Variants in HMOX2 observed in about 807,000 individuals in gnomAD.
HMOX2 encodes heme oxygenase 2, also known as heme oxygenase (decycling) 2.
In HMOX2, 30 loss-of-function variants were observed where a neutral mutation model predicts 33.7. That is an observed-to-expected ratio of 0.89 (90% CI 0.67 to 1.21). HMOX2 has a LOEUF of 1.21. Ranked by LOEUF, HMOX2 falls within the 50% of genes most tolerant of loss-of-function variation. HMOX2 has a pLI of 0.00. For synonymous variants in HMOX2, 155 were observed against 155.0 expected, an observed-to-expected ratio of 1.00 and a Z score of 0.00; for missense variants, 403 against 399.1, an observed-to-expected ratio of 1.01 and a Z score of -0.08.
intron 1 of HMOX2, among the ~76,000 whole-genome samples, chr16:4,488,007 T>C (rs13338199): frequency 0.12 from 16,608 of 142,122 alleles, 1,949 homozygotes; most frequent in African/African-American, 0.3. Flanking sequence ...CCTGTAATCC[T>C]AGCTACTCAG....
intron 4 of HMOX2, 51 bp from the exon 5 acceptor site, chr16:4,509,361 A>T (rs1422228394): frequency 1.3e-6 from 2 of 1,578,012 alleles, no homozygotes; most frequent in African/African-American, 2.8e-5. Context: ...AAAAAAAAAA[A>T]AAAAGTATGG....
chr16:4,505,892 G>C (rs1300541029), intron 2 of HMOX2, among the ~76,000 whole-genome samples: 3 of 152,120 alleles, frequency 2.0e-5, no homozygotes, highest in Non-Finnish European at 4.4e-5. Context: ...AAACTTGTGC[G>C]TTTCCTCATC....
At chr16:4,492,310 A>G (rs905005216) in intron 1 of HMOX2, among the ~76,000 whole-genome samples, 1 of 151,648 alleles carries the variant, frequency 6.6e-6, no homozygotes, top group African/African-American at 2.4e-5. Context: ...CTCCAGACAC[A>G]GTAAAACCCT....
At position 4,509,519 on chromosome 16, in the gene HMOX2, C is replaced by T. The variant is rs142512604; in HGVS notation, c.804C>T (p.Tyr268=). 9.9e-6 allele frequency: 16 copies of T among 1,614,016 alleles called. No individual in the cohort carries two copies. The highest frequency in any genetic ancestry group is 3.3e-5 in the Admixed American group (2 of 60,006). ...GAGACATGCGTAAATGCCCTTTCTA[C>T]GCTGCTGAACAAGACAAAGGTAGGT... ...GKGDMRKCPF[Y]AAEQDKGALE... Residue 268 remains tyrosine, a synonymous_variant, in exon 5 of 6, where the codon TAC becomes TAT. Coordinates refer to ENST00000570646, the MANE Select transcript of HMOX2 (RefSeq NM_002134.4).
chr16:4,501,868 T>G (rs1419801563), intron 1 of HMOX2, among the ~76,000 whole-genome samples: 1 of 152,178 alleles, frequency 6.6e-6, no homozygotes, highest in Non-Finnish European at 1.5e-5. Flanking sequence ...GGCCCCAGTC[T>G]GTGGGTTGAA....
chr16:4,475,598 C>T (rs1226054696), upstream of HMOX2, among the ~76,000 whole-genome samples: 1 of 152,016 alleles, frequency 6.6e-6, no homozygotes. Context: ...AGACATGAGC[C>T]ACCACACCCG....
chr16:4,492,711 C>G (rs1029874250), intron 1 of HMOX2, among the ~76,000 whole-genome samples: 1 of 151,842 alleles, frequency 6.6e-6, no homozygotes, highest in Admixed American at 6.6e-5. Context: ...GAGTGAGACT[C>G]TGTCTCAAAA....
intron 1 of HMOX2, among the ~76,000 whole-genome samples, chr16:4,491,936 C>T (rs1238296598): frequency 2.6e-5 from 4 of 152,052 alleles, no homozygotes; most frequent in Non-Finnish European, 5.9e-5. Flanking sequence ...CCTGCCTTGG[C>T]CTCCCAAAGT....
chr16:4,493,228 T>A (rs894849466), intron 1 of HMOX2, among the ~76,000 whole-genome samples: 4 of 151,728 alleles, frequency 2.6e-5, no homozygotes, highest in African/African-American at 4.8e-5. Flanking sequence ...TTCAAAAAAA[T>A]TTTTTTTTGT....
rs1039218114 is a variant in HMOX2 at position 4,479,728 on chromosome 16, T to A, written c.-42+3241T>A. 1.1e-3 allele frequency among the ~76,000 whole-genome samples: 12 copies of A among 10,702 alleles called. No homozygotes were observed. In the East Asian group the frequency reaches 0.022, roughly 19 times the overall value. The allele number at this position is 10,702 out of a possible 152,430, so 7.0% of individuals were successfully genotyped here. A position where few individuals can be genotyped will look rare whatever the true frequency, so the allele number is the denominator to read the frequency against. ...CCAGCCTGCCTTTTTCTTATTCTAT[T>A]TTTTTTTTTTTTTTTTTTTTTTTTT... On this transcript the variant is annotated intron_variant, in intron 1 of 5. Transcript: ENST00000570646.
In HMOX2 at chr16:4,506,903, A is replaced by G. The variant is rs372362103; in HGVS notation, c.95A>G (p.Asp32Gly). Residue 32 changes from aspartate to glycine, a missense_variant, in exon 3 of 6, where the codon GAC becomes GGC. Physicochemically the swap from Asp to Gly is moderately conservative, Grantham distance 94. Coordinates refer to ENST00000570646, the MANE Select transcript of HMOX2 (RefSeq NM_002134.4). ...CTCCCATCTCTCCACAGAATGGCTG[A>G]CCTCTCGGAGCTCCTGAAGGAAGGG... ...LEKENQMRMA[D>G]LSELLKEGTK... The G allele has an allele frequency of 1.7e-5, 27 of 1,612,466 alleles. No homozygotes were observed. The highest frequency in any genetic ancestry group is 2.2e-5 in the Non-Finnish European group (26 of 1,178,718).
intron 4 of HMOX2, 21 bp downstream of exon 4, chr16:4,508,225 C>A: frequency 6.3e-7 from 1 of 1,575,040 alleles, no homozygotes; most frequent in South Asian, 1.2e-5. Context: ...GGGCTGCCAG[C>A]TGCTAGGGCT....
intron 1 of HMOX2, 63 bp downstream of exon 1, chr16:4,476,550 C>T (rs2057844633): frequency 6.6e-6 from 1 of 152,416 alleles, no homozygotes; most frequent in South Asian, 2.1e-4. Flanking sequence ...GCGCTGCGTC[C>T]TTCGCGGGCC....
chr16:4,504,679 G>A (rs962278022), intron 1 of HMOX2, among the ~76,000 whole-genome samples: 12 of 125,422 alleles, frequency 9.6e-5, no homozygotes, highest in Non-Finnish European at 1.7e-4. Flanking sequence ...ATTTTGATAC[G>A]GTCTTTTTTT....
At chr16:4,488,661 C>G (rs868036785) in intron 1 of HMOX2, 1 of 152,336 alleles carries the variant, frequency 6.6e-6, no homozygotes, top group South Asian at 2.1e-4. Flanking sequence ...CATGAAGAGA[C>G]CTTGCTGCTG....
chr16:4,479,726 A>ATT lies in HMOX2; in HGVS notation c.-42+3270_-42+3271dup, dbSNP rs58936845. Among the ~76,000 whole-genome samples the ATT allele has an allele frequency of 4.1e-3, 324 of 79,826 alleles. 5 individuals carry two copies. Among genetic ancestry groups the ATT allele is most frequent in the East Asian group, 5.0e-3 (14 of 2,822 alleles). The allele number at this position is 79,826 out of a possible 152,430, so 52.4% of individuals were successfully genotyped here. ...ACCCAGCCTGCCTTTTTCTTATTCT[A>ATT]TTTTTTTTTTTTTTTTTTTTTTTTT... On this transcript the variant is annotated intron_variant, in intron 1 of 5. Transcript: ENST00000570646.
intron 1 of HMOX2, among the ~76,000 whole-genome samples, chr16:4,477,037 G>C (rs1235085652): frequency 6.6e-6 from 1 of 152,180 alleles, no homozygotes; most frequent in Non-Finnish European, 1.5e-5. Flanking sequence ...GTACGCCCTG[G>C]AGCAGAGTCG....
chr16:4,496,874 T>TC (rs2058434631), intron 1 of HMOX2: 1 of 151,870 alleles, frequency 6.6e-6, no homozygotes, highest in African/African-American at 2.4e-5. Context: ...ATTTTTTTTT[T>TC]TGTAGAGACG....
At chr16:4,478,200 G>A (rs148435212) in intron 1 of HMOX2, among the ~76,000 whole-genome samples, 59 of 152,246 alleles carry the variant, frequency 3.9e-4, no homozygotes, top group African/African-American at 1.4e-3. Context: ...TTGAAGTGCT[G>A]TGAGTCACCA....
Sources: allele counts gnomAD v4.1 joint callset (sites outside exome capture counted in the v4.1 genomes callset), GRCh38; gene constraint gnomAD v4.1.1; transcripts MANE v1.5; gene names NCBI Gene and HGNC (gene_info 2026-07-23, HGNC 2026-07-21).